The following STAT3 variants were observed in gnomAD, a reference collection of about 807,000 sequenced individuals.
STAT3 encodes the protein DNA-binding protein APRF.
In STAT3, 7 loss-of-function variants were observed where a neutral mutation model predicts 114.3. That is an observed-to-expected ratio of 0.06 (90% confidence interval 0.03 to 0.11). The LOEUF (loss-of-function observed/expected upper bound fraction) is 0.11, where lower values mean the gene tolerates loss of function less well. Among genes scored for constraint, STAT3 ranks in the 10% least tolerant of loss-of-function variants. The pLI is 1.00. For synonymous variants in STAT3, 331 were observed against 354.5 expected, an observed-to-expected ratio of 0.93 and a Z score of 0.74; for missense variants, 364 against 960.9, an observed-to-expected ratio of 0.38 and a Z score of 8.21.
At chr17:42,353,302 C>G (rs556412472) in intron 1 of STAT3, among the ~76,000 whole-genome samples, 25 of 144,026 alleles carry the variant, frequency 1.7e-4, no homozygotes, top group Non-Finnish European at 2.4e-4. Context: ...GGGCCGAGAT[C>G]GTGCCACTGC....
At chr17:42,377,531 T>C (rs945690219) in intron 1 of STAT3, among the ~76,000 whole-genome samples, 3 of 152,214 alleles carry the variant, frequency 2.0e-5, no homozygotes, top group African/African-American at 7.2e-5. Context: ...GAGAATAACA[T>C]GTTTGCATGC....
chr17:42,325,124 T>G, intron 15 of STAT3, 63 bp from the exon 16 acceptor site: 290 of 1,464,272 alleles, frequency 2.0e-4, no homozygotes, highest in Non-Finnish European at 2.4e-4. Context: ...TGGAAATCTC[T>G]TCACCCGCAT....
At position 42,324,321 on chromosome 17, in the gene STAT3, A is replaced by T. The variant is rs531087538; in HGVS notation, c.1600+390T>A. ...GCAACAGAGCAAGACTCGTCTCAAA[A>T]AAATAAATAAATAAATAAAATAAGA... On this transcript the variant is annotated intron_variant, in intron 17 of 23. Coordinates refer to ENST00000264657, the MANE Select transcript of STAT3 (RefSeq NM_139276.3). The surrounding 1 kb of genome is among the most constrained non-coding windows in gnomAD (Gnocchi z 4.5). Among the ~76,000 whole-genome samples the T allele has an allele frequency of 2.0e-5, 3 of 152,114 alleles. No homozygotes were observed. The highest frequency in any genetic ancestry group is 7.2e-5 in the African/African-American group (3 of 41,396).
rs1365672692 is a variant in STAT3 at position 42,324,019 on chromosome 17, C to A, written c.1601-394G>T. Among the ~76,000 whole-genome samples, 2 of 152,150 alleles carry A rather than the reference C, an allele frequency of 1.3e-5. No homozygotes were observed. Among genetic ancestry groups the A allele is most frequent in the African/African-American group, 2.4e-5 (1 of 41,430 alleles). On this transcript the variant is annotated intron_variant, in intron 17 of 23. Coordinates refer to ENST00000264657, the MANE Select transcript of STAT3 (RefSeq NM_139276.3). The surrounding 1 kb of genome is among the most constrained non-coding windows in gnomAD (Gnocchi z 4.5). ...TGGCACATAAAATATTCCACTAATTCTTTTTTAAAAACTAGCCTACGCTGG... is the reference window on the plus strand; with the variant it reads ...TGGCACATAAAATATTCCACTAATTATTTTTTAAAAACTAGCCTACGCTGG...
intron 1 of STAT3, 167 bp downstream of exon 1, chr17:42,388,112 T>C (rs1335163453): frequency 1.2e-6 from 1 of 844,898 alleles, no homozygotes; most frequent in African/African-American, 1.8e-5. Flanking sequence ...CCCGCTCCTG[T>C]CATCCCGAAG....
chr17:42,329,060 G>A (rs111869719), intron 14 of STAT3, among the ~76,000 whole-genome samples: 1,573 of 152,278 alleles, frequency 0.01, 15 homozygotes, highest in Non-Finnish European at 0.017. Flanking sequence ...ACTAAAAATG[G>A]AGCCAAGCAG....
intron 1 of STAT3, among the ~76,000 whole-genome samples, chr17:42,350,010 C>A (rs1457512838): frequency 6.6e-6 from 1 of 151,496 alleles, no homozygotes; most frequent in East Asian, 1.9e-4. Context: ...GAGCTGAGAT[C>A]GTGCCACTGC....
At position 42,329,675 on chromosome 17, in the gene STAT3, G is replaced by A. The variant is rs771461355; in HGVS notation, c.1140-28C>T. On this transcript the variant is annotated intron_variant, in intron 12 of 23. Coordinates refer to ENST00000264657, the MANE Select transcript of STAT3 (RefSeq NM_139276.3). ...GAATCACAGGGGAACAATCAACTATGTAGGTGACCAAGTAGCCGGAGGATG... is the reference window on the plus strand; with the variant it reads ...GAATCACAGGGGAACAATCAACTATATAGGTGACCAAGTAGCCGGAGGATG... The A allele has an allele frequency of 2.4e-5, 38 of 1,613,882 alleles. No homozygotes were observed. In the Admixed American group the frequency reaches 6.3e-4, roughly 27 times the overall value.
At chr17:42,321,206 AC>A in intron 21 of STAT3, among the ~76,000 whole-genome samples, 1 of 147,250 alleles carries the variant, frequency 6.8e-6, no homozygotes, top group Non-Finnish European at 1.5e-5. Context: ...TGCAGCCTCA[AC>A]CTCCTGGGCT....
At chr17:42,358,268 A>T (rs1476788057) in intron 1 of STAT3, among the ~76,000 whole-genome samples, 1 of 152,018 alleles carries the variant, frequency 6.6e-6, no homozygotes, top group African/African-American at 2.4e-5. Flanking sequence ...AATTTTTTTA[A>T]AATTAGCCTA....
chr17:42,322,900 A>G (rs1359250592), intron 20 of STAT3, 104 bp downstream of exon 20: 3 of 1,545,326 alleles, frequency 1.9e-6, no homozygotes, highest in Non-Finnish European at 2.7e-6. Flanking sequence ...ACAGGGAGTC[A>G]AGGCCATCTC....
Position 42,316,047 on chromosome 17 carries a change from G to A in STAT3, c.2258-247C>T, listed in dbSNP as rs561611194. The A allele has an allele frequency of 1.6e-5, 22 of 1,413,724 alleles. No individual in the cohort carries two copies. In the South Asian group the frequency reaches 3.0e-4, roughly 19 times the overall value. 87.6% of individuals were successfully genotyped at this position (1,413,724 alleles called of 1,614,324 possible). A position where few individuals can be genotyped will look rare whatever the true frequency, so the allele number is the denominator to read the frequency against. On this transcript the variant is annotated intron_variant, in intron 23 of 23. Coordinates refer to ENST00000264657, the MANE Select transcript of STAT3 (RefSeq NM_139276.3). ...AGCTCCATGTTTACAGAAGCTCTAA[G>A]GCTGTCCTGAGATCTTCTGCCCTTG...
Position 42,333,639 on chromosome 17 carries a change from A to G in STAT3, c.1049+34T>C. ...TCACCCTAACAGTGTCCCTCAGTAA[A>G]ATCTCTACTGGAAATGGAAGTGGCA... On this transcript the variant is annotated intron_variant, in intron 10 of 23. Transcript: ENST00000264657. The surrounding 1 kb of genome is among the most constrained non-coding windows in gnomAD (Gnocchi z 5.2). 6.2e-7 allele frequency: 1 copy of G among 1,612,490 alleles called. No individual in the cohort carries two copies. Among genetic ancestry groups the G allele is most frequent in the Non-Finnish European group, 8.5e-7 (1 of 1,178,722 alleles).
intron 21 of STAT3, among the ~76,000 whole-genome samples, chr17:42,322,013 CG>C (rs2081505433): frequency 6.6e-6 from 1 of 151,918 alleles, no homozygotes; most frequent in Non-Finnish European, 1.5e-5. Context: ...TTTGTAGAGA[CG>C]AGGTTTCACC....
chr17:42,314,005 G>C lies in STAT3; in HGVS notation c.*1740C>G, dbSNP rs965539927. 1 of 230,658 alleles carries C rather than the reference G, an allele frequency of 4.3e-6. No homozygotes were observed. The highest frequency in any genetic ancestry group is 2.2e-5 in the African/African-American group (1 of 45,096). The allele number at this position is 230,658 out of a possible 1,614,324, so 14.3% of individuals were successfully genotyped here. Reference sequence around the variant, plus strand: ...AAGGTGGTTTTGAGTTGCCAAATCCGGCCATGCCTCTGAGTCAGAGGCAGC... The same window carrying C: ...AAGGTGGTTTTGAGTTGCCAAATCCCGCCATGCCTCTGAGTCAGAGGCAGC... On this transcript the variant is annotated 3_prime_UTR_variant, in exon 24 of 24. Transcript: ENST00000264657.
rs921705012 is a variant in STAT3 at position 42,347,554 on chromosome 17, T to C, written c.128+835A>G. On this transcript the variant is annotated intron_variant, in intron 2 of 23. Transcript: ENST00000264657. ...GCCATTATCTGCTCTATGAATGGAA[T>C]CTACTTCCCTTATCCTGTGATCTAG... Among the ~76,000 whole-genome samples the C allele has an allele frequency of 7.2e-5, 11 of 152,324 alleles. No homozygotes were observed. The East Asian group carries it at 1.3e-3, about 19-fold the overall frequency.
Position 42,348,559 on chromosome 17 carries a change from T to C in STAT3, c.-23-20A>G, listed in dbSNP as rs776885288. On this transcript the variant is annotated intron_variant, in intron 1 of 23. Coordinates refer to ENST00000264657, the MANE Select transcript of STAT3 (RefSeq NM_139276.3). ...TCCCAACTGTAAACCAAAGTGTGCA[T>C]ATGTTCACCACAAGTCCCAGTAGGG... 3.7e-6 allele frequency: 6 copies of C among 1,612,056 alleles called. No homozygotes were observed. Among genetic ancestry groups the C allele is most frequent in the South Asian group, 3.3e-5 (3 of 90,870 alleles).
intron 21 of STAT3, among the ~76,000 whole-genome samples, chr17:42,317,834 G>A (rs1347087639): frequency 6.6e-6 from 1 of 152,214 alleles, no homozygotes; most frequent in African/African-American, 2.4e-5. Context: ...AAGCACCAAA[G>A]AGAATGTGAC....
intron 11 of STAT3, 67 bp downstream of exon 11, chr17:42,331,405 A>T: frequency 5.8e-6 from 8 of 1,372,912 alleles, no homozygotes; most frequent in Non-Finnish European, 8.3e-6. Flanking sequence ...AGTTCAAATG[A>T]TGTCTGTCAA....
Sources: gnomAD v4.1 joint callset for allele counts (sites outside exome capture counted in the v4.1 genomes callset) on GRCh38, gnomAD v4.1.1 for gene constraint, Gnocchi (gnomAD v3.1) non-coding constraint, MANE v1.5 for transcripts, NCBI Gene and HGNC (gene_info 2026-07-23, HGNC 2026-07-21) for gene names.